The following TANK variants were observed in gnomAD, a reference collection of about 807,000 sequenced individuals.
TANK encodes the protein TRAF family member associated NFKB activator, also known as TRAF family member-associated NF-kappa-B activator.
TANK carries 15 observed loss-of-function variants against 43.6 expected under a neutral mutation model. That is an observed-to-expected ratio of 0.34 (90% confidence interval 0.23 to 0.53). The LOEUF is 0.53. Among genes scored for constraint, TANK ranks in the 20% least tolerant of loss-of-function variants. TANK has a pLI of 0.94. For missense variants in TANK, 417 were observed against 498.6 expected, an observed-to-expected ratio of 0.84 and a Z score of 1.56; for synonymous variants, 162 against 178.2, an observed-to-expected ratio of 0.91 and a Z score of 0.73.
At chr2:161,206,875 G>T (rs1354103796) in intron 4 of TANK, among the ~76,000 whole-genome samples, 1 of 151,906 alleles carries the variant, frequency 6.6e-6, no homozygotes, top group East Asian at 1.9e-4. Context: ...TTACTTAACT[G>T]CAAATTTAAT....
intron 2 of TANK, among the ~76,000 whole-genome samples, chr2:161,187,437 AAGAAC>A (rs1685714934): frequency 6.6e-6 from 1 of 152,166 alleles, no homozygotes; most frequent in African/African-American, 2.4e-5. Flanking sequence ...TCAAAAATAA[AAGAAC>A]AAAACAACAA....
At position 161,235,564 on chromosome 2, in the gene TANK, G is replaced by T; in HGVS notation, c.*46G>T. 3.4e-6 allele frequency: 5 copies of T among 1,463,992 alleles called. No homozygotes were observed. The highest frequency in any genetic ancestry group is 1.4e-5 in the South Asian group (1 of 72,576). 90.7% of individuals were successfully genotyped at this position (1,463,992 alleles called of 1,614,324 possible). On this transcript the variant is annotated 3_prime_UTR_variant, in exon 8 of 8. Coordinates refer to ENST00000392749, the MANE Select transcript of TANK (RefSeq NM_001199135.3). Reference sequence around the variant, plus strand: ...TATCAAGTTCTATGTGATGATTTTGGGTTTTTAATACTATAAATACTTGAT... The same window carrying T: ...TATCAAGTTCTATGTGATGATTTTGTGTTTTTAATACTATAAATACTTGAT...
At chr2:161,212,576 TAAG>T in intron 4 of TANK, 6 of 985,144 alleles carry the variant, frequency 6.1e-6, no homozygotes, top group Middle Eastern at 5.2e-4. Flanking sequence ...GAAAAGAAAA[TAAG>T]AAGTGATATG....
chr2:161,212,686 ACTTCT>A, intron 4 of TANK: 9 of 985,180 alleles, frequency 9.1e-6, no homozygotes, highest in Non-Finnish European at 1.1e-5. Context: ...CTTTTCTCAC[ACTTCT>A]CTTTATTTAA....
chr2:161,179,884 AG>A (rs1685343530), intron 2 of TANK, 123 bp downstream of exon 2: 1 of 1,356,652 alleles, frequency 7.4e-7, no homozygotes, highest in East Asian at 2.7e-5. Flanking sequence ...ACAGAAATGC[AG>A]GTATATATTA....
At position 161,236,138 on chromosome 2, in the gene TANK, G is replaced by C. The variant is rs1688161207; in HGVS notation, c.*620G>C. On this transcript the variant is annotated 3_prime_UTR_variant, in exon 8 of 8. Transcript: ENST00000392749. ...GGCTTTAATTTTTACTGTGTGTATA[G>C]CTACATGATGAAATTAATTAAATAT... 6.7e-6 allele frequency: 1 copy of C among 148,544 alleles called. No individual in the cohort carries two copies. 9.2% of individuals were successfully genotyped at this position (148,544 alleles called of 1,614,324 possible). A position where few individuals can be genotyped will look rare whatever the true frequency, so the allele number is the denominator to read the frequency against.
intron 2 of TANK, among the ~76,000 whole-genome samples, chr2:161,182,919 G>A (rs1685494336): frequency 6.6e-6 from 1 of 152,136 alleles, no homozygotes; most frequent in South Asian, 2.1e-4. Flanking sequence ...AGTGAGAGGA[G>A]GGCAGGAGAA....
chr2:161,138,946 G>A (rs2105206005), intron 1 of TANK, among the ~76,000 whole-genome samples: 1 of 152,218 alleles, frequency 6.6e-6, no homozygotes, highest in East Asian at 1.9e-4. Context: ...ATCATTAAAT[G>A]TATTCCAATA....
chr2:161,187,792 C>T (rs916154226), intron 2 of TANK, among the ~76,000 whole-genome samples: 1 of 152,246 alleles, frequency 6.6e-6, no homozygotes, highest in Admixed American at 6.5e-5. Context: ...GCATATGGAG[C>T]ATTCTCTGGG....
chr2:161,231,652 T>G (rs571814794), intron 7 of TANK, 101 bp downstream of exon 7: 20 of 1,109,512 alleles, frequency 1.8e-5, no homozygotes, highest in Non-Finnish European at 2.3e-5. Context: ...ACATCCTTTT[T>G]AAACTACTGA....
intron 1 of TANK, among the ~76,000 whole-genome samples, chr2:161,164,892 A>C (rs1184727442): frequency 6.6e-6 from 1 of 152,148 alleles, no homozygotes; most frequent in Non-Finnish European, 1.5e-5. Context: ...AATGATGGCA[A>C]TTGTTTGTCT....
At position 161,179,630 on chromosome 2, in the gene TANK, A is replaced by T. The variant is rs779353454; in HGVS notation, c.-33A>T. 1 of 1,610,690 alleles carries T rather than the reference A, an allele frequency of 6.2e-7. No individual in the cohort carries two copies. Among genetic ancestry groups the T allele is most frequent in the Admixed American group, 1.7e-5 (1 of 59,576 alleles). On this transcript the variant is annotated 5_prime_UTR_variant, in exon 2 of 8. Coordinates refer to ENST00000392749, the MANE Select transcript of TANK (RefSeq NM_001199135.3). ...ATTTTGCAGACCTGTCATTTACTCCATCCTTTATAGTGATGCTACAGGACG... is the reference window on the plus strand; with the variant it reads ...ATTTTGCAGACCTGTCATTTACTCCTTCCTTTATAGTGATGCTACAGGACG...
chr2:161,232,423 T>G (rs1366993104), intron 7 of TANK, among the ~76,000 whole-genome samples: 1 of 152,250 alleles, frequency 6.6e-6, no homozygotes, highest in Non-Finnish European at 1.5e-5. Flanking sequence ...AATACCCTTT[T>G]GCTTTAAGTA....
At chr2:161,191,797 A>G (rs1168425839) in intron 2 of TANK, among the ~76,000 whole-genome samples, 1 of 151,444 alleles carries the variant, frequency 6.6e-6, no homozygotes, top group Non-Finnish European at 1.5e-5. Flanking sequence ...TTAAAACACT[A>G]TTTTTCTTTT....
At chr2:161,170,170 T>C (rs1185529066) in intron 1 of TANK, among the ~76,000 whole-genome samples, 1 of 152,318 alleles carries the variant, frequency 6.6e-6, no homozygotes, top group African/African-American at 2.4e-5. Context: ...GATTAGAGTA[T>C]TGATAGGAGG....
intron 1 of TANK, 144 bp from the exon 2 acceptor site, chr2:161,179,470 C>A (rs1342496209): frequency 3.3e-6 from 2 of 601,814 alleles, no homozygotes; most frequent in Admixed American, 4.2e-5. Flanking sequence ...AATTTCTAGT[C>A]AGGATTTTAG....
chr2:161,174,078 A>C (rs376813834), intron 1 of TANK, among the ~76,000 whole-genome samples: 1 of 152,178 alleles, frequency 6.6e-6, no homozygotes, highest in African/African-American at 2.4e-5. Context: ...AACAAATAAC[A>C]TATCTTATAT....
At chr2:161,193,838 CT>C (rs1373110339) in intron 2 of TANK, among the ~76,000 whole-genome samples, 1 of 152,114 alleles carries the variant, frequency 6.6e-6, no homozygotes, top group Non-Finnish European at 1.5e-5. Flanking sequence ...GTGAAGAAGG[CT>C]GGTAAATATA....
chr2:161,201,545 C>G (rs570749138), intron 2 of TANK, among the ~76,000 whole-genome samples: 13 of 152,138 alleles, frequency 8.5e-5, no homozygotes, highest in Middle Eastern at 3.4e-3. Context: ...ATATACCTAT[C>G]AAAATAAAGT....
Sources: allele counts gnomAD v4.1 joint callset (sites outside exome capture counted in the v4.1 genomes callset), GRCh38; gene constraint gnomAD v4.1.1; transcripts MANE v1.5; gene names NCBI Gene and HGNC (gene_info 2026-07-23, HGNC 2026-07-21).